Variants in KCNMA1 observed in about 807,000 individuals in gnomAD.
The protein encoded by KCNMA1 is Calcium-activated potassium channel subunit alpha-1.
Under a neutral mutation model 140.0 loss-of-function variants are expected in KCNMA1, and 29 were observed. The ratio of observed to expected loss-of-function variants is 0.21; its 90% CI spans 0.15 to 0.28. The LOEUF (loss-of-function observed/expected upper bound fraction) is 0.28. Ranked by LOEUF, KCNMA1 falls within the 10% of genes least tolerant of loss-of-function variation. The pLI is 1.00. For synonymous variants in KCNMA1, 612 were observed against 611.9 expected (o/e 1.00, Z 0.00); for missense variants, 880 against 1,602.2 (o/e 0.55, Z 7.70).
chr10:76,871,185 C>G (rs1004577518), exon 28 of KCNMA1: 1 of 152,606 alleles, frequency 6.6e-6, no homozygotes, highest in Non-Finnish European at 1.5e-5. Flanking sequence ...GTAGCCCACT[C>G]CTTTACTCCC....
chr10:77,220,749 TA>T (rs2049348845), intron 3 of KCNMA1, among the ~76,000 whole-genome samples: 1 of 148,178 alleles, frequency 6.7e-6, no homozygotes, highest in Non-Finnish European at 1.5e-5. Flanking sequence ...CTTAGCCATA[TA>T]TTCCAGTTTC....
chr10:77,590,557 G>A (rs979691700), intron 1 of KCNMA1, among the ~76,000 whole-genome samples: 4 of 152,184 alleles, frequency 2.6e-5, no homozygotes, highest in Admixed American at 2.6e-4. Flanking sequence ...CCCTGTTCCC[G>A]CCCGCGCCTC....
At position 77,005,471 on chromosome 10, in the gene KCNMA1, T is replaced by C. The variant is rs187244479; in HGVS notation, c.2093-3891A>G. ...TGGCAAGTGTGAACACCAAAGCTACTTGTCATTCCATCTTAGGGCTCTTGA... is the reference window on the plus strand; with the variant it reads ...TGGCAAGTGTGAACACCAAAGCTACCTGTCATTCCATCTTAGGGCTCTTGA... On this transcript the variant is annotated intron_variant, in intron 18 of 27. Coordinates refer to ENST00000286628, the MANE Select transcript of KCNMA1 (RefSeq NM_001161352.2). 2.0e-5 allele frequency among the ~76,000 whole-genome samples: 3 copies of C among 152,322 alleles called. No individual in the cohort carries two copies. The East Asian group carries it at 5.8e-4, about 29-fold the overall frequency.
At chr10:77,309,265 A>G (rs186821034) in intron 2 of KCNMA1, among the ~76,000 whole-genome samples, 112 of 152,368 alleles carry the variant, frequency 7.4e-4, no homozygotes, top group Admixed American at 1.8e-3. Context: ...GCCCACAACC[A>G]TCTACTTCAA....
intron 3 of KCNMA1, among the ~76,000 whole-genome samples, chr10:77,188,274 C>T (rs1007943540): frequency 6.6e-6 from 1 of 150,604 alleles, no homozygotes; most frequent in Non-Finnish European, 1.5e-5. Context: ...GCATATGTTG[C>T]CAACAGGAAA....
At chr10:77,573,167 T>C (rs2072359179) in intron 1 of KCNMA1, among the ~76,000 whole-genome samples, 1 of 152,168 alleles carries the variant, frequency 6.6e-6, no homozygotes, top group Non-Finnish European at 1.5e-5. Flanking sequence ...TAAAAGTCCT[T>C]CCCACTAAGT....
intron 1 of KCNMA1, among the ~76,000 whole-genome samples, chr10:77,517,404 T>C (rs1416936697): frequency 6.6e-6 from 1 of 152,194 alleles, no homozygotes; most frequent in Non-Finnish European, 1.5e-5. Context: ...CCCTGGCTCC[T>C]AGTGATTTTA....
chr10:77,490,994 G>A (rs1292267003), intron 1 of KCNMA1, among the ~76,000 whole-genome samples: 1 of 152,098 alleles, frequency 6.6e-6, no homozygotes, highest in Non-Finnish European at 1.5e-5. Context: ...CCCACATCAG[G>A]CACTCCCTCA....
At chr10:76,999,878 T>C (rs2153399414) in intron 19 of KCNMA1, among the ~76,000 whole-genome samples, 1 of 152,242 alleles carries the variant, frequency 6.6e-6, no homozygotes, top group East Asian at 1.9e-4. Flanking sequence ...ATGCCTCTAA[T>C]ATGGCTCGAT....
intron 2 of KCNMA1, among the ~76,000 whole-genome samples, chr10:77,316,447 T>C (rs1012394181): frequency 1.3e-5 from 2 of 152,210 alleles, no homozygotes; most frequent in African/African-American, 2.4e-5. Context: ...TTAAGTAGTT[T>C]AGACCAACTC....
chr10:77,093,625 T>C (rs942364740), intron 9 of KCNMA1, among the ~76,000 whole-genome samples: 1 of 152,190 alleles, frequency 6.6e-6, no homozygotes, highest in Non-Finnish European at 1.5e-5. Context: ...GGAACATTTA[T>C]TTACCAGAAA....
downstream of KCNMA1, chr10:76,876,600 AT>A (rs1332473838): frequency 1.3e-5 from 2 of 152,258 alleles, no homozygotes; most frequent in African/African-American, 4.8e-5. Flanking sequence ...TGTTATTATT[AT>A]TTTTAAATTG....
chr10:77,037,922 C>G (rs1400232334), intron 15 of KCNMA1, among the ~76,000 whole-genome samples: 1 of 152,190 alleles, frequency 6.6e-6, no homozygotes, highest in African/African-American at 2.4e-5. Context: ...CTTAACTCCT[C>G]TCAGTGGCAG....
intron 1 of KCNMA1, among the ~76,000 whole-genome samples, chr10:77,495,541 C>T (rs1215590572): frequency 2.6e-5 from 4 of 152,182 alleles, no homozygotes; most frequent in Non-Finnish European, 4.4e-5. Context: ...CAATGAGTGC[C>T]GTGATTTCTC....
In KCNMA1 at chr10:76,885,312, C is replaced by T. The variant is rs2151626406; in HGVS notation, c.*1954G>A. On this transcript the variant is annotated 3_prime_UTR_variant, in exon 28 of 28. Transcript: ENST00000286628. Reference sequence around the variant, plus strand: ...TAATATAAATCAATATATAGAGGGACAAAAATAATTTGAAAAAATTCTTCC... The same window carrying T: ...TAATATAAATCAATATATAGAGGGATAAAAATAATTTGAAAAAATTCTTCC... The T allele has an allele frequency of 1.1e-6, 1 of 921,134 alleles. No homozygotes were observed. The highest frequency in any genetic ancestry group is 5.6e-4 in the Middle Eastern group (1 of 1,798). The allele number at this position is 921,134 out of a possible 1,614,324, so 57.1% of individuals were successfully genotyped here. A position where few individuals can be genotyped will look rare whatever the true frequency, so the allele number is the denominator to read the frequency against.
intron 19 of KCNMA1, among the ~76,000 whole-genome samples, chr10:76,994,247 T>A (rs1268954568): frequency 6.6e-6 from 1 of 152,248 alleles, no homozygotes; most frequent in Non-Finnish European, 1.5e-5. Flanking sequence ...TATAGTTGCC[T>A]CAACTGCAAA....
chr10:77,579,125 A>G (rs1436457972), intron 1 of KCNMA1, among the ~76,000 whole-genome samples: 1 of 152,190 alleles, frequency 6.6e-6, no homozygotes, highest in Non-Finnish European at 1.5e-5. Flanking sequence ...GGATTTCTTC[A>G]AGGATGAGTC....
At chr10:76,928,287 G>GCA (rs2058316883) in intron 23 of KCNMA1, among the ~76,000 whole-genome samples, 3 of 77,224 alleles carry the variant, frequency 3.9e-5, no homozygotes, top group South Asian at 5.2e-4. Context: ...GAACACGCGC[G>GCA]CGCACACACA....
chr10:77,214,101 G>C (rs983316849), intron 3 of KCNMA1, among the ~76,000 whole-genome samples: 4 of 152,162 alleles, frequency 2.6e-5, no homozygotes, highest in Non-Finnish European at 4.4e-5. Context: ...AAAGCTGAAA[G>C]TTCCTGAATA....
Sources: gnomAD v4.1 joint callset for allele counts (sites outside exome capture counted in the v4.1 genomes callset) on GRCh38, gnomAD v4.1.1 for gene constraint, MANE v1.5 for transcripts, NCBI Gene and HGNC (gene_info 2026-07-23, HGNC 2026-07-21) for gene names.